The following FUT8 variants were observed in gnomAD, a reference collection of about 807,000 sequenced individuals.
The protein encoded by FUT8 is fucosyltransferase 8.
FUT8 carries 29 observed loss-of-function variants against 71.3 expected under a neutral mutation model. The ratio of observed to expected loss-of-function variants is 0.41; its 90% CI spans 0.30 to 0.55. FUT8 has a LOEUF of 0.55. FUT8 is among the 20% of genes least tolerant of loss of function. The pLI is 0.34. For missense variants in FUT8, 544 were observed against 702.1 expected (o/e 0.77, Z 2.55); for synonymous variants, 254 against 239.3 (o/e 1.06, Z -0.57).
intron 2 of FUT8, among the ~76,000 whole-genome samples, chr14:65,528,350 G>T (rs145967881): frequency 2.1e-4 from 32 of 152,360 alleles, no homozygotes; most frequent in African/African-American, 6.7e-4. Flanking sequence ...CTCCGAGCCA[G>T]GCGCGGGATA....
At chr14:65,723,324 T>TA (rs71126786) in intron 8 of FUT8, among the ~76,000 whole-genome samples, 227 of 147,988 alleles carry the variant, frequency 1.5e-3, no homozygotes, top group African/African-American at 4.8e-3. Flanking sequence ...GACCTTGTCT[T>TA]AAAAAAAAAA....
In FUT8 at chr14:65,526,967, C is replaced by A. The variant is rs533398975; in HGVS notation, c.-227-34370C>A. ...TGATGGGCTTCACTTTGTGGGTAAC[C>A]CGACCTTTCTCTCTGGCTGCCCTTA... On this transcript the variant is annotated intron_variant, in intron 2 of 10. Transcript: ENST00000673929. Among the ~76,000 whole-genome samples, 7 of 152,290 alleles carry A rather than the reference C, an allele frequency of 4.6e-5. No individual in the cohort carries two copies. In the East Asian group the frequency reaches 1.4e-3, roughly 29 times the overall value.
chr14:65,555,405 A>G (rs892976850), intron 2 of FUT8, among the ~76,000 whole-genome samples: 1 of 152,110 alleles, frequency 6.6e-6, no homozygotes, highest in Admixed American at 6.6e-5. Context: ...TCTATTTCTG[A>G]TAATTGTCCT....
chr14:65,631,051 G>C (rs1383180896), intron 6 of FUT8, among the ~76,000 whole-genome samples: 2 of 152,174 alleles, frequency 1.3e-5, no homozygotes, highest in East Asian at 3.8e-4. Flanking sequence ...AAACCAAACT[G>C]ATCTTGGCAT....
chr14:65,707,612 A>G (rs1435861975), intron 7 of FUT8, among the ~76,000 whole-genome samples: 1 of 152,076 alleles, frequency 6.6e-6, no homozygotes, highest in Admixed American at 6.6e-5. Flanking sequence ...CTATAGTTGT[A>G]TAGTTTCAGA....
At chr14:65,499,771 T>G (rs1382562511) in intron 2 of FUT8, among the ~76,000 whole-genome samples, 1 of 151,288 alleles carries the variant, frequency 6.6e-6, no homozygotes, top group Non-Finnish European at 1.5e-5. Flanking sequence ...TGATCTGTGA[T>G]TGTACCATTG....
chr14:65,382,940 G>A, the FUT8 span, among the ~76,000 whole-genome samples: 2 of 151,750 alleles, frequency 1.3e-5, no homozygotes, highest in African/African-American at 4.8e-5. Flanking sequence ...CTTCTTCTGT[G>A]TTATAGGGTC....
chr14:65,368,711 C>T, the FUT8 span, among the ~76,000 whole-genome samples: 9 of 150,636 alleles, frequency 6.0e-5, no homozygotes, highest in African/African-American at 1.7e-4. Context: ...TTAGTAGAGA[C>T]GGGGTTTCAC....
chr14:65,727,239 T>A (rs1895729909), intron 9 of FUT8, among the ~76,000 whole-genome samples: 1 of 152,218 alleles, frequency 6.6e-6, no homozygotes, highest in Non-Finnish European at 1.5e-5. Flanking sequence ...GGTGTCCCAG[T>A]AGGGACTCTG....
intron 6 of FUT8, among the ~76,000 whole-genome samples, chr14:65,650,498 G>A (rs1488270964): frequency 6.6e-6 from 1 of 151,436 alleles, no homozygotes; most frequent in Non-Finnish European, 1.5e-5. Flanking sequence ...AGAGCAGGGA[G>A]GTGCCACACA....
intron 1 of FUT8, among the ~76,000 whole-genome samples, chr14:65,455,294 A>G (rs1442176609): frequency 2.0e-5 from 3 of 152,234 alleles, no homozygotes; most frequent in Non-Finnish European, 2.9e-5. Flanking sequence ...ACACTTCTGA[A>G]TGCCTTTTAT....
At chr14:65,503,241 G>T (rs910620252) in intron 2 of FUT8, among the ~76,000 whole-genome samples, 3 of 152,192 alleles carry the variant, frequency 2.0e-5, no homozygotes, top group Admixed American at 6.5e-5. Context: ...AGACTGCTTG[G>T]TAATTGTGTA....
intron 8 of FUT8, among the ~76,000 whole-genome samples, chr14:65,723,921 T>A (rs1895552059): frequency 6.6e-6 from 1 of 152,252 alleles, no homozygotes; most frequent in South Asian, 2.1e-4. Context: ...TCAAAGGCTT[T>A]ACTTACTTTC....
intron 7 of FUT8, among the ~76,000 whole-genome samples, chr14:65,677,538 A>G (rs1451199312): frequency 6.6e-6 from 1 of 152,198 alleles, no homozygotes; most frequent in Non-Finnish European, 1.5e-5. Context: ...CAAAAGATAT[A>G]TTACAATTAG....
At chr14:65,450,169 A>T (rs1304042973) in intron 1 of FUT8, among the ~76,000 whole-genome samples, 1 of 152,024 alleles carries the variant, frequency 6.6e-6, no homozygotes, top group Non-Finnish European at 1.5e-5. Context: ...TTCTTTCCTC[A>T]TCTAGGGTAC....
chr14:65,380,556 C>T, the FUT8 span, among the ~76,000 whole-genome samples: 4 of 152,226 alleles, frequency 2.6e-5, no homozygotes, highest in Non-Finnish European at 4.4e-5. Flanking sequence ...TCAATATTCA[C>T]GCTGTGGAGA....
intron 6 of FUT8, chr14:65,645,930 A>G (rs1203771338): frequency 6.6e-6 from 1 of 152,228 alleles, no homozygotes; most frequent in Non-Finnish European, 1.5e-5. Context: ...TCCAAACTAA[A>G]TAGTTCTCAG....
At chr14:65,619,911 G>C (rs7153078) in intron 5 of FUT8, among the ~76,000 whole-genome samples, 1,991 of 152,168 alleles carry the variant, frequency 0.013, 31 homozygotes, top group South Asian at 0.059. Context: ...TTGCCATTGT[G>C]GTTTTACCAT....
At chr14:65,552,639 C>A (rs1459673003) in intron 2 of FUT8, among the ~76,000 whole-genome samples, 1 of 152,168 alleles carries the variant, frequency 6.6e-6, no homozygotes, top group Non-Finnish European at 1.5e-5. Flanking sequence ...AGCTCATTGT[C>A]ATTTCTTTTA....
Sources: gnomAD v4.1 joint callset for allele counts (sites outside exome capture counted in the v4.1 genomes callset) on GRCh38, gnomAD v4.1.1 for gene constraint, MANE v1.5 for transcripts, NCBI Gene and HGNC (gene_info 2026-07-23, HGNC 2026-07-21) for gene names.